UGT1A8: variants seen among roughly 807,000 people sequenced by gnomAD.
The protein encoded by UGT1A8 is UDP glucuronosyltransferase family 1 member A8.
A neutral mutation model predicts 45.3 loss-of-function variants in UGT1A8; 39 were observed. That is an observed-to-expected ratio of 0.86 (90% CI 0.67 to 1.12). The LOEUF is 1.12. Among genes scored for constraint, UGT1A8 ranks in the 50% most tolerant of loss-of-function variants. The pLI, the probability that UGT1A8 is intolerant of heterozygous loss-of-function variation, is 0.00. For missense variants in UGT1A8, 719 were observed against 664.9 expected, an observed-to-expected ratio of 1.08 and a Z score of -0.90; for synonymous variants, 275 against 249.2, an observed-to-expected ratio of 1.10 and a Z score of -0.97.
chr2:233,744,469 A>G (rs965200544), intron 1 of UGT1A8, among the ~76,000 whole-genome samples: 1 of 151,962 alleles, frequency 6.6e-6, no homozygotes, highest in African/African-American at 2.4e-5. Flanking sequence ...AGAATTAAAA[A>G]GACATATTAA....
chr2:233,741,211 A>G (rs764528916), intron 1 of UGT1A8, among the ~76,000 whole-genome samples: 2 of 151,912 alleles, frequency 1.3e-5, no homozygotes, highest in African/African-American at 2.4e-5. Flanking sequence ...AACTAGCCAG[A>G]GTTGTTACAG....
intron 1 of UGT1A8, among the ~76,000 whole-genome samples, chr2:233,687,701 G>A (rs2074858745): frequency 6.6e-6 from 1 of 151,714 alleles, no homozygotes; most frequent in Admixed American, 6.6e-5. Context: ...CCAGGAGTTT[G>A]AGACCAGCCT....
chr2:233,629,649 G>T (rs928613678), intron 1 of UGT1A8, among the ~76,000 whole-genome samples: 2 of 152,008 alleles, frequency 1.3e-5, no homozygotes, highest in African/African-American at 4.8e-5. Flanking sequence ...AATGAATTAG[G>T]AAATCCCCTA....
At chr2:233,730,783 G>A (rs968780327) in intron 1 of UGT1A8, among the ~76,000 whole-genome samples, 1 of 152,100 alleles carries the variant, frequency 6.6e-6, no homozygotes, top group Non-Finnish European at 1.5e-5. Flanking sequence ...AGTGAAGCTG[G>A]GGACAGTGAT....
intron 1 of UGT1A8, chr2:233,690,497 A>T: frequency 7.8e-7 from 1 of 1,289,754 alleles, no homozygotes. Context: ...TGCTCTTGCC[A>T]ACAGAGATTT....
chr2:233,743,538 C>T, intron 1 of UGT1A8: 1 of 1,367,252 alleles, frequency 7.3e-7, no homozygotes, highest in Non-Finnish European at 9.8e-7. Flanking sequence ...AGCAGTTCCT[C>T]TGACCCCCCC....
At chr2:233,741,956 CTTG>C (rs1315214944) in intron 1 of UGT1A8, 1 of 151,862 alleles carries the variant, frequency 6.6e-6, no homozygotes, top group East Asian at 1.9e-4. Flanking sequence ...AAGGTACTTT[CTTG>C]TTGTGTTTAT....
In UGT1A8 at chr2:233,724,567, C is replaced by T. The variant is rs1005770116; in HGVS notation, c.856-42467C>T. Among the ~76,000 whole-genome samples, 5 of 126,436 alleles carry T rather than the reference C, an allele frequency of 4.0e-5. No individual in the cohort carries two copies. In the East Asian group the frequency reaches 1.3e-3, roughly 33 times the overall value. 82.9% of individuals were successfully genotyped at this position (126,436 alleles called of 152,430 possible). A position where few individuals can be genotyped will look rare whatever the true frequency, so the allele number is the denominator to read the frequency against. On this transcript the variant is annotated intron_variant, in intron 1 of 4. Coordinates refer to ENST00000373450, the MANE Select transcript of UGT1A8 (RefSeq NM_019076.5). ...GCTCCTCACATCCCAGATGGGGCGG[C>T]GGGGCAGAGGCGCTCCCCACATCTC...
chr2:233,623,812 T>C (rs1042330440), intron 1 of UGT1A8, among the ~76,000 whole-genome samples: 5 of 152,092 alleles, frequency 3.3e-5, no homozygotes, highest in African/African-American at 7.2e-5. Flanking sequence ...AAGAATAGTC[T>C]CTTCAACAGA....
chr2:233,728,803 A>T (rs1389677112), intron 1 of UGT1A8, among the ~76,000 whole-genome samples: 1 of 152,188 alleles, frequency 6.6e-6, no homozygotes, highest in Non-Finnish European at 1.5e-5. Flanking sequence ...GAGAAGTAGG[A>T]GACAGTGACA....
intron 1 of UGT1A8, among the ~76,000 whole-genome samples, chr2:233,765,606 C>T (rs4663971): frequency 1.3e-5 from 2 of 151,332 alleles, no homozygotes; most frequent in Non-Finnish European, 1.5e-5. Context: ...GGGCTTGTGG[C>T]GGGGTGAGGG....
At chr2:233,712,083 G>A (rs1229537579) in intron 1 of UGT1A8, among the ~76,000 whole-genome samples, 1 of 152,192 alleles carries the variant, frequency 6.6e-6, no homozygotes, top group African/African-American at 2.4e-5. Flanking sequence ...ATAAAGGCCT[G>A]GATGAATGGA....
At chr2:233,690,671 C>T in intron 1 of UGT1A8, 2 of 1,267,248 alleles carry the variant, frequency 1.6e-6, no homozygotes, top group Non-Finnish European at 1.0e-6. Context: ...CCAGGGCAGG[C>T]CTGGGTCTCC....
intron 1 of UGT1A8, among the ~76,000 whole-genome samples, chr2:233,707,450 C>G (rs191535913): frequency 1.3e-5 from 2 of 151,870 alleles, no homozygotes; most frequent in East Asian, 1.9e-4. Flanking sequence ...ATTTTGCCAC[C>G]TAAATTTGCA....
chr2:233,764,196 C>T (rs923801635), intron 1 of UGT1A8, among the ~76,000 whole-genome samples: 7 of 152,120 alleles, frequency 4.6e-5, no homozygotes, highest in African/African-American at 1.7e-4. Flanking sequence ...TCAGGGGCAT[C>T]TCATCTTTTC....
At chr2:233,649,179 G>A (rs1302645200) in intron 1 of UGT1A8, among the ~76,000 whole-genome samples, 3 of 152,062 alleles carry the variant, frequency 2.0e-5, no homozygotes, top group Non-Finnish European at 4.4e-5. Flanking sequence ...CGTGTTTGTT[G>A]GTTAGCAACT....
chr2:233,682,244 C>A, intron 1 of UGT1A8: 1 of 1,614,148 alleles, frequency 6.2e-7, no homozygotes, highest in South Asian at 1.1e-5. Flanking sequence ...GGCACCATTG[C>A]GAAGTGCATT....
chr2:233,754,803 G>T lies in UGT1A8; in HGVS notation c.856-12231G>T, dbSNP rs550413061. 8.8e-5 allele frequency: 113 copies of T among 1,279,154 alleles called. No homozygotes were observed. In the South Asian group the frequency reaches 1.3e-3, roughly 15 times the overall value. The allele number at this position is 1,279,154 out of a possible 1,614,324, so 79.2% of individuals were successfully genotyped here. On this transcript the variant is annotated intron_variant, in intron 1 of 4. Transcript: ENST00000373450. ...AAAGGAACGAAATCCTGTATCAAAAGAAGAAAAACCACCCTCAAAAGCTGG... is the reference window on the plus strand; with the variant it reads ...AAAGGAACGAAATCCTGTATCAAAATAAGAAAAACCACCCTCAAAAGCTGG...
In UGT1A8 at chr2:233,767,540, C is replaced by T. The variant is rs570115667; in HGVS notation, c.988-309C>T. Among the ~76,000 whole-genome samples the T allele has an allele frequency of 2.0e-5, 3 of 152,348 alleles. No homozygotes were observed. In the East Asian group the frequency reaches 5.8e-4, roughly 29 times the overall value. On this transcript the variant is annotated intron_variant, in intron 2 of 4. Transcript: ENST00000373450. ...TGAATTTATGTCTTACATTTCTGCT[C>T]TTATAGTTCTGCATCCACTTGTTTC...
Sources: allele counts gnomAD v4.1 joint callset (sites outside exome capture counted in the v4.1 genomes callset), GRCh38; gene constraint gnomAD v4.1.1; transcripts MANE v1.5; gene names NCBI Gene and HGNC (gene_info 2026-07-23, HGNC 2026-07-21).